ABCC1: variants seen among roughly 807,000 people sequenced by gnomAD.
ABCC1 encodes ATP binding cassette subfamily C member 1 (ABCC1 blood group).
Under a neutral mutation model 172.9 loss-of-function variants are expected in ABCC1, and 83 were observed. The observed-to-expected ratio is 0.48, with a 90% CI of 0.40 to 0.58. ABCC1 has a LOEUF of 0.58. Ranked by LOEUF, ABCC1 falls within the 20% of genes least tolerant of loss-of-function variation. The pLI is 0.00. For synonymous variants in ABCC1, 937 were observed against 825.2 expected (o/e 1.14, Z -2.32); for missense variants, 1,817 against 2,002.7 (o/e 0.91, Z 1.77).
At chr16:16,000,990 G>T (rs72775845) in intron 1 of ABCC1, among the ~76,000 whole-genome samples, 4,894 of 152,276 alleles carry the variant, frequency 0.032, 118 homozygotes, top group Middle Eastern at 0.099. Flanking sequence ...ACCAGCAGTT[G>T]GGGAATGCCT....
At chr16:15,994,936 G>A (rs2047006073) in intron 1 of ABCC1, among the ~76,000 whole-genome samples, 1 of 151,656 alleles carries the variant, frequency 6.6e-6, no homozygotes, top group African/African-American at 2.4e-5. Context: ...TGTGACAACA[G>A]CCTGGCCAAC....
chr16:16,069,380 G>GT (rs932535959), intron 13 of ABCC1, among the ~76,000 whole-genome samples: 7 of 150,406 alleles, frequency 4.7e-5, no homozygotes, highest in African/African-American at 1.2e-4. Flanking sequence ...GTTTTTTTTT[G>GT]TTTTTTGTTT....
At chr16:16,003,863 T>C (rs1431339072) in intron 1 of ABCC1, among the ~76,000 whole-genome samples, 1 of 140,646 alleles carries the variant, frequency 7.1e-6, no homozygotes, top group African/African-American at 2.8e-5. Context: ...GGTGAATGGG[T>C]AGGTGGATGG....
At chr16:16,052,053 A>G (rs2049451838) in intron 10 of ABCC1, among the ~76,000 whole-genome samples, 1 of 152,186 alleles carries the variant, frequency 6.6e-6, no homozygotes, top group Non-Finnish European at 1.5e-5. Flanking sequence ...CAACATAGTG[A>G]GACCTTGTCT....
At chr16:16,029,586 T>C (rs2048492929) in intron 5 of ABCC1, among the ~76,000 whole-genome samples, 1 of 152,236 alleles carries the variant, frequency 6.6e-6, no homozygotes, top group South Asian at 2.1e-4. Context: ...CTGAAGGACA[T>C]GGATTTGTTT....
At position 16,016,488 on chromosome 16, in the gene ABCC1, C is replaced by T. The variant is rs768763603; in HGVS notation, c.490-8C>T. On this transcript the variant is annotated splice_polypyrimidine_tract_variant and splice_region_variant and intron_variant, in intron 4 of 30. Coordinates refer to ENST00000399410, the MANE Select transcript of ABCC1 (RefSeq NM_004996.4). ...GATCTTTTTCTTCCTTCCTTCCCCA[C>T]CATGTAGGATGCCCAGGTGGACCTG... 6.2e-6 allele frequency: 10 copies of T among 1,613,904 alleles called. No homozygotes were observed. The highest frequency in any genetic ancestry group is 1.6e-4 in the Middle Eastern group (1 of 6,062).
At chr16:16,079,231 C>T in intron 15 of ABCC1, 121 bp from the exon 16 acceptor site, 2 of 1,432,814 alleles carry the variant, frequency 1.4e-6, no homozygotes, top group Non-Finnish European at 1.9e-6. Context: ...GTGTTTAGTA[C>T]AGTCTTGCCT....
At chr16:16,106,967 C>G in intron 21 of ABCC1, 94 bp downstream of exon 21, 1 of 1,514,346 alleles carries the variant, frequency 6.6e-7, no homozygotes, top group Non-Finnish European at 9.0e-7. Flanking sequence ...TCTATGTTAA[C>G]TCACCTGTCC....
At chr16:15,996,324 G>C (rs571145156) in intron 1 of ABCC1, among the ~76,000 whole-genome samples, 52 of 152,210 alleles carry the variant, frequency 3.4e-4, no homozygotes, top group Middle Eastern at 3.4e-3. Flanking sequence ...CAGTCTCACT[G>C]TGTTGCCCAA....
intron 1 of ABCC1, among the ~76,000 whole-genome samples, chr16:15,972,103 A>T (rs912111784): frequency 6.7e-6 from 1 of 150,136 alleles, no homozygotes; most frequent in Admixed American, 6.6e-5. Flanking sequence ...TGGTTGCTGT[A>T]ATGACTTTTT....
intron 1 of ABCC1, among the ~76,000 whole-genome samples, chr16:15,988,330 T>G (rs1040765202): frequency 1.3e-5 from 2 of 152,202 alleles, no homozygotes; most frequent in Admixed American, 1.3e-4. Flanking sequence ...CTCTTCTCTT[T>G]AGGCTGTCAG....
Position 16,124,652 on chromosome 16 carries a change from C to T in ABCC1, c.3591-137C>T, listed in dbSNP as rs913453206. 2.3e-6 allele frequency: 3 copies of T among 1,287,510 alleles called. No homozygotes were observed. In the Admixed American group the frequency reaches 6.2e-5, roughly 27 times the overall value. The allele number at this position is 1,287,510 out of a possible 1,614,324, so 79.8% of individuals were successfully genotyped here. On this transcript the variant is annotated intron_variant, in intron 24 of 30. Transcript: ENST00000399410. ...TGTGCATGTTTTGAAAAAGCAGTGC[C>T]AGGAAGGACTCTCTCTGGAATTACT...
At chr16:16,087,246 A>G (rs1031276114) in intron 18 of ABCC1, among the ~76,000 whole-genome samples, 12 of 152,166 alleles carry the variant, frequency 7.9e-5, no homozygotes, top group Non-Finnish European at 1.6e-4. Context: ...TCTCTTCCTG[A>G]TTAAGTCACA....
At chr16:16,059,379 G>A (rs1188126319) in intron 12 of ABCC1, among the ~76,000 whole-genome samples, 1 of 152,156 alleles carries the variant, frequency 6.6e-6, no homozygotes, top group Non-Finnish European at 1.5e-5. Context: ...TGCAAAAACA[G>A]CCTTAGATAA....
At chr16:16,070,604 G>A (rs1283115503) in intron 13 of ABCC1, among the ~76,000 whole-genome samples, 1 of 152,038 alleles carries the variant, frequency 6.6e-6, no homozygotes, top group Non-Finnish European at 1.5e-5. Flanking sequence ...GGTGGAGCTT[G>A]CAGTGAGCCG....
At chr16:15,972,290 T>A (rs1255394903) in intron 1 of ABCC1, among the ~76,000 whole-genome samples, 1 of 152,150 alleles carries the variant, frequency 6.6e-6, no homozygotes, top group African/African-American at 2.4e-5. Context: ...TCTCTTACCT[T>A]GTATCTGTTA....
At chr16:16,035,758 G>C (rs2048730184) in intron 6 of ABCC1, among the ~76,000 whole-genome samples, 1 of 151,728 alleles carries the variant, frequency 6.6e-6, no homozygotes, top group Non-Finnish European at 1.5e-5. Flanking sequence ...GCCTCCCAGA[G>C]CGCTAGGATT....
intron 22 of ABCC1, among the ~76,000 whole-genome samples, chr16:16,113,341 C>T (rs1046929101): frequency 6.6e-6 from 1 of 152,136 alleles, no homozygotes; most frequent in Non-Finnish European, 1.5e-5. Flanking sequence ...ACACAGGTGG[C>T]TATTTTAATT....
intron 10 of ABCC1, among the ~76,000 whole-genome samples, chr16:16,050,630 C>T (rs1002527671): frequency 1.1e-4 from 17 of 148,504 alleles, no homozygotes; most frequent in African/African-American, 1.7e-4. Flanking sequence ...AGGTGGCATG[C>T]GCCTGTAATC....
Sources: gnomAD v4.1 joint callset for allele counts (sites outside exome capture counted in the v4.1 genomes callset) on GRCh38, gnomAD v4.1.1 for gene constraint, MANE v1.5 for transcripts, NCBI Gene and HGNC (gene_info 2026-07-23, HGNC 2026-07-21) for gene names.